DOCK1: variants seen among roughly 807,000 people sequenced by gnomAD.
DOCK1 encodes dedicator of cytokinesis protein 1.
A neutral mutation model predicts 262.7 loss-of-function variants in DOCK1; 138 were observed. The observed-to-expected ratio is 0.53, with a 90% CI of 0.46 to 0.61. The LOEUF (loss-of-function observed/expected upper bound fraction) is 0.61, where lower values mean the gene tolerates loss of function less well. Ranked by LOEUF, DOCK1 falls within the 20% of genes least tolerant of loss-of-function variation. The pLI is 0.00. For missense variants in DOCK1, 1,908 were observed against 2,370.7 expected, an observed-to-expected ratio of 0.80 and a Z score of 4.05; for synonymous variants, 866 against 867.4, an observed-to-expected ratio of 1.00 and a Z score of 0.03.
At chr10:127,346,779 T>C (rs1016159224) in intron 31 of DOCK1, among the ~76,000 whole-genome samples, 1 of 152,226 alleles carries the variant, frequency 6.6e-6, no homozygotes, top group Non-Finnish European at 1.5e-5. Flanking sequence ...GGCTTTCGTA[T>C]TCTCTTTGTC....
intron 27 of DOCK1, among the ~76,000 whole-genome samples, chr10:127,223,285 G>A (rs546168665): frequency 5.3e-5 from 8 of 152,222 alleles, no homozygotes; most frequent in African/African-American, 1.9e-4. Context: ...TCAACTCAAA[G>A]TGTGTGTTTA....
At chr10:126,925,034 A>G (rs2033576831) in intron 1 of DOCK1, among the ~76,000 whole-genome samples, 1 of 152,214 alleles carries the variant, frequency 6.6e-6, no homozygotes, top group Admixed American at 6.5e-5. Context: ...CACGTTTTTA[A>G]AAACTGGTTT....
chr10:127,222,256 C>T (rs556774303), intron 27 of DOCK1, among the ~76,000 whole-genome samples: 35 of 152,270 alleles, frequency 2.3e-4, no homozygotes, highest in African/African-American at 2.4e-4. Flanking sequence ...TCAGGATCTG[C>T]GCTTACCGAT....
At chr10:126,939,187 T>C (rs998432277) in intron 1 of DOCK1, among the ~76,000 whole-genome samples, 4,395 of 152,208 alleles carry the variant, frequency 0.029, 243 homozygotes, top group African/African-American at 0.1. Flanking sequence ...CCCCCTTCCT[T>C]AAGCTCTTCT....
rs568137136 is a variant in DOCK1 at position 127,306,424 on chromosome 10, A to G, written c.3045-32582A>G. Among the ~76,000 whole-genome samples the G allele has an allele frequency of 2.6e-3, 389 of 152,260 alleles. 2 individuals are homozygous for G. The highest frequency in any genetic ancestry group is 4.2e-3 in the Non-Finnish European group (287 of 68,028). On this transcript the variant is annotated intron_variant, in intron 29 of 51. Transcript: ENST00000623213. ...ATAGGTTTCCACGTTCACCGATTTC[A>G]TCTGAATGGACTGTTGATGCTTGGT...
chr10:127,291,280 G>A (rs1361327417), intron 29 of DOCK1, among the ~76,000 whole-genome samples: 1 of 152,190 alleles, frequency 6.6e-6, no homozygotes, highest in Admixed American at 6.5e-5. Flanking sequence ...AATTTTACCT[G>A]GTAGCAGGTG....
At chr10:127,004,911 C>T (rs1435529909) in intron 10 of DOCK1, among the ~76,000 whole-genome samples, 1 of 152,170 alleles carries the variant, frequency 6.6e-6, no homozygotes, top group East Asian at 1.9e-4. Context: ...TGCCACCAGA[C>T]TACCTTGCCC....
chr10:127,444,424 C>T (rs1008795457), intron 50 of DOCK1, 145 bp downstream of exon 50: 2 of 1,121,402 alleles, frequency 1.8e-6, no homozygotes, highest in Non-Finnish European at 2.5e-6. Flanking sequence ...CTGGGAGTGT[C>T]CCCTGGGACA....
intron 28 of DOCK1, among the ~76,000 whole-genome samples, chr10:127,249,408 T>TAAACACAC (rs1564933558): frequency 6.6e-6 from 1 of 151,290 alleles, no homozygotes; most frequent in Non-Finnish European, 1.5e-5. Context: ...TATATACATA[T>TAAACACAC]ATATATACAT....
At chr10:126,949,297 C>G (rs1166918725) in intron 1 of DOCK1, among the ~76,000 whole-genome samples, 2 of 152,140 alleles carry the variant, frequency 1.3e-5, no homozygotes, top group Non-Finnish European at 2.9e-5. Context: ...AGCCCCTAAG[C>G]TGTCTAGTGC....
intron 46 of DOCK1, among the ~76,000 whole-genome samples, chr10:127,424,845 C>A (rs770717412): frequency 6.6e-6 from 1 of 152,154 alleles, no homozygotes; most frequent in Non-Finnish European, 1.5e-5. Context: ...ACTTTTGTGT[C>A]GGTGCAGCCT....
chr10:126,979,311 A>G (rs1591516773), intron 3 of DOCK1, among the ~76,000 whole-genome samples: 1 of 152,288 alleles, frequency 6.6e-6, no homozygotes, highest in Non-Finnish European at 1.5e-5. Flanking sequence ...GCTTGAGCTC[A>G]GGAGATTGAG....
intron 48 of DOCK1, among the ~76,000 whole-genome samples, chr10:127,434,145 CCTT>C (rs747756656): frequency 2.0e-5 from 3 of 151,658 alleles, no homozygotes; most frequent in Non-Finnish European, 4.4e-5. Flanking sequence ...GATGGCCGGG[CCTT>C]CTTTTTTTTT....
At position 127,259,793 on chromosome 10, in the gene DOCK1, T is replaced by A. The variant is rs79510002; in HGVS notation, c.3044+2364T>A. 3.2e-3 allele frequency among the ~76,000 whole-genome samples: 475 copies of A among 146,848 alleles called. 4 individuals carry two copies. The highest frequency in any genetic ancestry group is 5.3e-3 in the Non-Finnish European group (347 of 65,482). On this transcript the variant is annotated intron_variant, in intron 29 of 51. Transcript: ENST00000623213. The stretch of plus-strand genomic sequence containing the variant: ...TCAAAATCTACTTAGTTCATGATTT[T>A]TTTTTTTTTTTTTTATAATTGAGAG...
chr10:127,338,124 T>G (rs1257233148), intron 29 of DOCK1, among the ~76,000 whole-genome samples: 1 of 152,224 alleles, frequency 6.6e-6, no homozygotes, highest in Non-Finnish European at 1.5e-5. Flanking sequence ...CCTTGCTGTC[T>G]AAATAGAGAA....
chr10:127,221,428 C>T (rs2058431946), intron 27 of DOCK1, among the ~76,000 whole-genome samples: 1 of 152,100 alleles, frequency 6.6e-6, no homozygotes, highest in Non-Finnish European at 1.5e-5. Flanking sequence ...TGTATGTTAA[C>T]GTGAGAGACA....
chr10:127,172,537 T>C (rs1053509287), intron 27 of DOCK1, among the ~76,000 whole-genome samples: 1 of 152,082 alleles, frequency 6.6e-6, no homozygotes, highest in Non-Finnish European at 1.5e-5. Flanking sequence ...AAATTTGAAT[T>C]TCAGCCAAAT....
Position 127,433,268 on chromosome 10 carries a change from C to T in DOCK1, c.4915-15C>T, listed in dbSNP as rs747272701. On this transcript the variant is annotated splice_polypyrimidine_tract_variant and intron_variant, in intron 47 of 51. Coordinates refer to ENST00000623213, the MANE Select transcript of DOCK1 (RefSeq NM_001290223.2). ...GCATCAAACAAGTCTCCTTCTCTCT[C>T]TTTCTCGCTCTCAGCCCTCAAGTCT... 2 of 1,613,006 alleles carry T rather than the reference C, an allele frequency of 1.2e-6. No homozygotes were observed. The highest frequency in any genetic ancestry group is 2.7e-5 in the African/African-American group (2 of 74,912).
chr10:127,209,339 C>T (rs1454059287), intron 27 of DOCK1, among the ~76,000 whole-genome samples: 3 of 152,158 alleles, frequency 2.0e-5, no homozygotes, highest in Non-Finnish European at 2.9e-5. Flanking sequence ...TAAAATAAAG[C>T]AAAATCTGAG....
Sources: gnomAD v4.1 joint callset for allele counts (sites outside exome capture counted in the v4.1 genomes callset) on GRCh38, gnomAD v4.1.1 for gene constraint, MANE v1.5 for transcripts, NCBI Gene and HGNC (gene_info 2026-07-23, HGNC 2026-07-21) for gene names.